Variants in LMBR1 observed in about 807,000 individuals in gnomAD.
The protein encoded by LMBR1 is limb region 1 protein homolog.
Under a neutral mutation model 73.9 loss-of-function variants are expected in LMBR1, and 52 were observed. The ratio of observed to expected loss-of-function variants is 0.70; its 90% CI spans 0.56 to 0.89. LMBR1 has a LOEUF of 0.89. Among genes scored for constraint, LMBR1 ranks in the 40% least tolerant of loss-of-function variants. The pLI is 0.00. For missense variants in LMBR1, 539 were observed against 579.8 expected (o/e 0.93, Z 0.72); for synonymous variants, 215 against 209.4 (o/e 1.03, Z -0.23).
chr7:156,872,787 T>C (rs923552215), intron 1 of LMBR1, among the ~76,000 whole-genome samples: 3 of 152,114 alleles, frequency 2.0e-5, no homozygotes, highest in African/African-American at 7.2e-5. Context: ...AGGACTAGAT[T>C]GCAGCTCCCA....
intron 1 of LMBR1, among the ~76,000 whole-genome samples, chr7:156,873,004 C>A (rs1165994313): frequency 1.3e-5 from 2 of 152,208 alleles, no homozygotes; most frequent in African/African-American, 4.8e-5. Context: ...GTGAGTGTTA[C>A]AGCTCTTAAG....
At chr7:156,677,409 T>C (rs1451559917), downstream of LMBR1, among the ~76,000 whole-genome samples, 1 of 152,190 alleles carries the variant, frequency 6.6e-6, no homozygotes, top group Non-Finnish European at 1.5e-5. Flanking sequence ...ACACCATGTG[T>C]GACCCTGGCT....
intron 4 of LMBR1, among the ~76,000 whole-genome samples, chr7:156,825,863 A>G (rs1467443357): frequency 6.6e-6 from 1 of 152,240 alleles, no homozygotes; most frequent in East Asian, 1.9e-4. Flanking sequence ...CCCAAAGACT[A>G]CAAAGCAATA....
intron 1 of LMBR1, among the ~76,000 whole-genome samples, chr7:156,851,594 T>C (rs1178851390): frequency 6.6e-6 from 1 of 152,032 alleles, no homozygotes; most frequent in Non-Finnish European, 1.5e-5. Flanking sequence ...GTTGGGGGGC[T>C]GGGGAGTGAG....
intron 9 of LMBR1, among the ~76,000 whole-genome samples, chr7:156,743,407 T>C (rs1160564904): frequency 6.6e-6 from 1 of 152,168 alleles, no homozygotes; most frequent in Admixed American, 6.5e-5. Context: ...AAAGGGGGTG[T>C]ATCTATTAGG....
intron 4 of LMBR1, among the ~76,000 whole-genome samples, chr7:156,805,447 C>A (rs10261417): frequency 0.34 from 51,823 of 151,894 alleles, 9,129 homozygotes; most frequent in East Asian, 0.57. Context: ...AACTCCTGAC[C>A]TCAAGTGATC....
chr7:156,856,120 G>A (rs1444984885), intron 1 of LMBR1, among the ~76,000 whole-genome samples: 2 of 151,984 alleles, frequency 1.3e-5, no homozygotes, highest in African/African-American at 2.4e-5. Context: ...GCGTGAACCT[G>A]GGAGGCGGAG....
chr7:156,748,858 A>G (rs1393986996), intron 9 of LMBR1, among the ~76,000 whole-genome samples: 1 of 152,160 alleles, frequency 6.6e-6, no homozygotes, highest in Non-Finnish European at 1.5e-5. Context: ...TATTTAACTC[A>G]TTCTATAGTT....
At chr7:156,739,173 A>G (rs528413922) in intron 9 of LMBR1, among the ~76,000 whole-genome samples, 10 of 152,242 alleles carry the variant, frequency 6.6e-5, no homozygotes, top group African/African-American at 2.2e-4. Flanking sequence ...TTAAGTGACC[A>G]CTGGCAGTGG....
chr7:156,775,485 A>C (rs1825961207), intron 5 of LMBR1, among the ~76,000 whole-genome samples: 1 of 152,252 alleles, frequency 6.6e-6, no homozygotes, highest in South Asian at 2.1e-4. Context: ...TTGTAAAAAA[A>C]CAGATGAATG....
downstream of LMBR1, chr7:156,676,211 C>A: frequency 6.8e-7 from 1 of 1,479,586 alleles, no homozygotes; most frequent in Non-Finnish European, 9.0e-7. Flanking sequence ...TAACCCTTTC[C>A]ACAGTTCCCA....
At chr7:156,758,958 A>C (rs1321175353) in intron 8 of LMBR1, among the ~76,000 whole-genome samples, 2 of 152,238 alleles carry the variant, frequency 1.3e-5, no homozygotes, top group African/African-American at 2.4e-5. Flanking sequence ...CAGGGTTACC[A>C]AAGAAATGTT....
At chr7:156,855,902 C>G (rs909105087) in intron 1 of LMBR1, among the ~76,000 whole-genome samples, 6 of 152,102 alleles carry the variant, frequency 3.9e-5, no homozygotes, top group African/African-American at 1.4e-4. Flanking sequence ...AACACCAACC[C>G]AAAGTTCTGT....
intron 5 of LMBR1, among the ~76,000 whole-genome samples, chr7:156,780,567 C>T (rs1449371493): frequency 2.0e-5 from 3 of 152,186 alleles, no homozygotes; most frequent in African/African-American, 7.2e-5. Flanking sequence ...CACTGGTTCA[C>T]TAGTAAGGCT....
At chr7:156,785,233 C>T (rs907078372) in intron 5 of LMBR1, among the ~76,000 whole-genome samples, 1 of 152,072 alleles carries the variant, frequency 6.6e-6, no homozygotes, top group African/African-American at 2.4e-5. Flanking sequence ...GCCAAGATTG[C>T]ACCACTGCAC....
intron 4 of LMBR1, among the ~76,000 whole-genome samples, chr7:156,810,048 A>T (rs928387112): frequency 1.3e-5 from 2 of 151,990 alleles, no homozygotes; most frequent in Non-Finnish European, 2.9e-5. Context: ...ATCAAGGAAT[A>T]CCTGAGGCTG....
chr7:156,691,014 C>T (rs1807059223), intron 15 of LMBR1, among the ~76,000 whole-genome samples: 1 of 152,030 alleles, frequency 6.6e-6, no homozygotes, highest in South Asian at 2.1e-4. Context: ...AATCATTTGA[C>T]AAATGTAAAA....
At chr7:156,774,444 C>T (rs1357285300) in intron 5 of LMBR1, among the ~76,000 whole-genome samples, 1 of 152,188 alleles carries the variant, frequency 6.6e-6, no homozygotes, top group Non-Finnish European at 1.5e-5. Context: ...TTCACAATAG[C>T]AAAGGCATGG....
At chr7:156,704,263 C>T (rs1454587185) in intron 15 of LMBR1, among the ~76,000 whole-genome samples, 1 of 152,200 alleles carries the variant, frequency 6.6e-6, no homozygotes, top group Non-Finnish European at 1.5e-5. Flanking sequence ...GCATTCCAGT[C>T]CCCAGTACAA....
Sources: gnomAD v4.1 joint callset for allele counts (sites outside exome capture counted in the v4.1 genomes callset) on GRCh38, gnomAD v4.1.1 for gene constraint, MANE v1.5 for transcripts, NCBI Gene and HGNC (gene_info 2026-07-23, HGNC 2026-07-21) for gene names.